The following SYT1 variants were observed in gnomAD, a reference collection of about 807,000 sequenced individuals.
SYT1 encodes synaptotagmin-1.
A neutral mutation model predicts 44.8 loss-of-function variants in SYT1; 8 were observed. The observed-to-expected ratio is 0.18, with a 90% CI of 0.10 to 0.32. The LOEUF (loss-of-function observed/expected upper bound fraction) is 0.32. Among genes scored for constraint, SYT1 ranks in the 10% least tolerant of loss-of-function variants. The probability of loss-of-function intolerance (pLI) is 1.00; values close to 1 mark genes in which losing one functional copy is unlikely to be tolerated. For synonymous variants in SYT1, 154 were observed against 188.8 expected, an observed-to-expected ratio of 0.82 and a Z score of 1.51; for missense variants, 286 against 509.3, an observed-to-expected ratio of 0.56 and a Z score of 4.22.
chr12:79,154,120 T>A (rs1249690120), intron 3 of SYT1, among the ~76,000 whole-genome samples: 2 of 152,098 alleles, frequency 1.3e-5, no homozygotes, highest in Admixed American at 6.6e-5. Context: ...TACTAGCTCA[T>A]GTTACTACTA....
intron 8 of SYT1, among the ~76,000 whole-genome samples, chr12:79,329,267 T>C (rs1244916187): frequency 6.6e-6 from 1 of 152,134 alleles, no homozygotes; most frequent in Non-Finnish European, 1.5e-5. Flanking sequence ...CACATAGATG[T>C]CTTACAAGGC....
chr12:79,127,952 AAAT>A (rs1868545921), intron 3 of SYT1, among the ~76,000 whole-genome samples: 1 of 152,222 alleles, frequency 6.6e-6, no homozygotes, highest in Non-Finnish European at 1.5e-5. Context: ...GTAGATAGGT[AAAT>A]AAATGCATGA....
At chr12:78,970,108 A>G (rs1332049132) in intron 1 of SYT1, among the ~76,000 whole-genome samples, 1 of 152,206 alleles carries the variant, frequency 6.6e-6, no homozygotes. Context: ...AATGATGGAA[A>G]TTGAGAGAAA....
chr12:79,369,614 G>A (rs6539445), intron 9 of SYT1, among the ~76,000 whole-genome samples: 15,554 of 152,258 alleles, frequency 0.1, 816 homozygotes, highest in South Asian at 0.11. Context: ...AGAATTGAAA[G>A]TATGTGTAAG....
chr12:78,877,815 G>T (rs2137050051), intron 1 of SYT1, among the ~76,000 whole-genome samples: 1 of 151,810 alleles, frequency 6.6e-6, no homozygotes, highest in Non-Finnish European at 1.5e-5. Flanking sequence ...TTTTTGTAGA[G>T]ACAGGGTCTC....
intron 4 of SYT1, among the ~76,000 whole-genome samples, chr12:79,264,661 C>T (rs1878026073): frequency 2.0e-5 from 3 of 152,200 alleles, no homozygotes; most frequent in African/African-American, 4.8e-5. Flanking sequence ...TCTGCTGAAA[C>T]ATTTACCTCA....
At chr12:79,348,351 A>C (rs1279256979) in intron 8 of SYT1, among the ~76,000 whole-genome samples, 1 of 152,180 alleles carries the variant, frequency 6.6e-6, no homozygotes, top group Admixed American at 6.5e-5. Context: ...CCTGGGACTG[A>C]GGGGTTTCCC....
At chr12:79,248,786 C>T (rs1162203880) in intron 4 of SYT1, among the ~76,000 whole-genome samples, 1 of 152,090 alleles carries the variant, frequency 6.6e-6, no homozygotes, top group Non-Finnish European at 1.5e-5. Flanking sequence ...AGCTGGAGAC[C>T]CTTGACATTC....
intron 4 of SYT1, among the ~76,000 whole-genome samples, chr12:79,265,344 A>G (rs1878066591): frequency 6.6e-6 from 1 of 152,152 alleles, no homozygotes; most frequent in South Asian, 2.1e-4. Context: ...GTCCAAATCC[A>G]TGAAACTTCT....
chr12:78,918,960 G>GA (rs1876825781), intron 1 of SYT1, among the ~76,000 whole-genome samples: 1 of 151,956 alleles, frequency 6.6e-6, no homozygotes, highest in African/African-American at 2.4e-5. Context: ...TATTTGGAAA[G>GA]AAAAATGGTA....
intron 3 of SYT1, among the ~76,000 whole-genome samples, chr12:79,048,400 G>A (rs1874231886): frequency 6.6e-6 from 1 of 151,690 alleles, no homozygotes; most frequent in Non-Finnish European, 1.5e-5. Context: ...GAATGATTGG[G>A]TATAATTAAT....
intron 1 of SYT1, among the ~76,000 whole-genome samples, chr12:78,917,744 T>C (rs1381883): frequency 0.77 from 117,367 of 151,958 alleles, 46,010 homozygotes; most frequent in African/African-American, 0.9. Flanking sequence ...ATGGTTGTTT[T>C]GTAATCTTGA....
intron 10 of SYT1, among the ~76,000 whole-genome samples, chr12:79,444,505 C>T (rs1476308796): frequency 1.3e-5 from 2 of 152,066 alleles, no homozygotes; most frequent in Non-Finnish European, 2.9e-5. Context: ...AGTTAAAAAG[C>T]CCAGAGAAAA....
intron 1 of SYT1, among the ~76,000 whole-genome samples, chr12:78,960,086 A>T (rs184654057): frequency 6.6e-6 from 1 of 152,298 alleles, no homozygotes; most frequent in African/African-American, 2.4e-5. Flanking sequence ...TTACCGTCTA[A>T]TAGTCAATAC....
At chr12:78,997,152 A>C (rs1870434505) in intron 2 of SYT1, among the ~76,000 whole-genome samples, 1 of 152,154 alleles carries the variant, frequency 6.6e-6, no homozygotes, top group African/African-American at 2.4e-5. Flanking sequence ...AAGTTATTTG[A>C]TTTTTCTATT....
chr12:79,153,354 G>A (rs1477198804), intron 3 of SYT1, among the ~76,000 whole-genome samples: 2 of 152,102 alleles, frequency 1.3e-5, no homozygotes, highest in Non-Finnish European at 2.9e-5. Context: ...CTGGAAAATT[G>A]TAGGTCGGAA....
chr12:79,327,136 A>G (rs1391207822), intron 8 of SYT1, among the ~76,000 whole-genome samples: 1 of 152,086 alleles, frequency 6.6e-6, no homozygotes, highest in Non-Finnish European at 1.5e-5. Context: ...GCAACATCCC[A>G]TAGTAATGAG....
intron 1 of SYT1, among the ~76,000 whole-genome samples, chr12:78,914,416 T>G (rs1876525061): frequency 6.6e-6 from 1 of 151,926 alleles, no homozygotes; most frequent in African/African-American, 2.4e-5. Context: ...TGCACAGATG[T>G]TTTCATATGG....
chr12:79,052,970 C>G (rs1231646061), intron 3 of SYT1, among the ~76,000 whole-genome samples: 2 of 152,048 alleles, frequency 1.3e-5, no homozygotes, highest in African/African-American at 2.4e-5. Context: ...GGATCTAGAA[C>G]TAGAAATACC....
Sources: allele counts gnomAD v4.1 joint callset (sites outside exome capture counted in the v4.1 genomes callset), GRCh38; gene constraint gnomAD v4.1.1; transcripts MANE v1.5; gene names NCBI Gene and HGNC (gene_info 2026-07-23, HGNC 2026-07-21).